The following UVRAG variants were observed in gnomAD, a reference collection of about 807,000 sequenced individuals.
UVRAG encodes UV radiation resistance associated, also known as UV radiation resistance-associated gene protein.
In UVRAG, 19 loss-of-function variants were observed where a neutral mutation model predicts 78.0. That is an observed-to-expected ratio of 0.24 (90% confidence interval 0.17 to 0.36). The LOEUF is 0.36. Ranked by LOEUF, UVRAG falls within the 10% of genes least tolerant of loss-of-function variation. The probability of loss-of-function intolerance (pLI) is 1.00; values close to 1 mark genes in which losing one functional copy is unlikely to be tolerated. For missense variants in UVRAG, 740 were observed against 853.8 expected, an observed-to-expected ratio of 0.87 and a Z score of 1.66; for synonymous variants, 323 against 324.6, an observed-to-expected ratio of 1.00 and a Z score of 0.05.
chr11:76,050,058 A>G (rs960631767), intron 12 of UVRAG, among the ~76,000 whole-genome samples: 2 of 152,358 alleles, frequency 1.3e-5, no homozygotes, highest in South Asian at 4.1e-4. Context: ...CATAAATGCA[A>G]TCCAGCATCA....
At chr11:76,119,854 T>A (rs1952244205) in intron 14 of UVRAG, among the ~76,000 whole-genome samples, 2 of 152,226 alleles carry the variant, frequency 1.3e-5, no homozygotes, top group Admixed American at 6.5e-5. Flanking sequence ...GTTGGCTAGA[T>A]CTTAATCACT....
intron 14 of UVRAG, among the ~76,000 whole-genome samples, chr11:76,140,003 AGG>A (rs1282413339): frequency 6.7e-6 from 1 of 149,528 alleles, no homozygotes; most frequent in African/African-American, 2.5e-5. Context: ...AAAAAAAAAA[AGG>A]AACCCCTCAA....
chr11:76,127,272 C>CATA (rs143091460), intron 14 of UVRAG, among the ~76,000 whole-genome samples: 9,604 of 152,194 alleles, frequency 0.063, 556 homozygotes, highest in African/African-American at 0.16. Context: ...TGGATGGTAA[C>CATA]ATAAGTACTA....
intron 1 of UVRAG, among the ~76,000 whole-genome samples, chr11:75,824,669 ATTTTTTTTT>A (rs1217028567): frequency 8.4e-6 from 1 of 118,658 alleles, no homozygotes; most frequent in African/African-American, 3.4e-5. Flanking sequence ...GAAGTTTGTC[ATTTTTTTTT>A]TTTTTTTTTT....
intron 1 of UVRAG, among the ~76,000 whole-genome samples, chr11:75,819,958 A>C (rs988993134): frequency 1.8e-4 from 27 of 152,244 alleles, no homozygotes; most frequent in African/African-American, 6.5e-4. Context: ...ACAAGAGCGA[A>C]ACTGTCTAAA....
chr11:75,946,304 A>T (rs528022765), intron 6 of UVRAG, among the ~76,000 whole-genome samples: 4 of 152,204 alleles, frequency 2.6e-5, no homozygotes, highest in Non-Finnish European at 5.9e-5. Context: ...ATTAGGCTAA[A>T]GATTTATAAT....
At chr11:76,120,875 T>G (rs932022417) in intron 14 of UVRAG, among the ~76,000 whole-genome samples, 1 of 152,172 alleles carries the variant, frequency 6.6e-6, no homozygotes, top group African/African-American at 2.4e-5. Context: ...CTGTGCTCCT[T>G]AGGGCAAAGG....
In UVRAG at chr11:76,143,821, T is replaced by C. The variant is rs973423895; in HGVS notation, c.*2408T>C. 6.6e-6 allele frequency among the ~76,000 whole-genome samples: 1 copy of C among 152,244 alleles called. No individual in the cohort carries two copies. Among genetic ancestry groups the C allele is most frequent in the East Asian group, 1.9e-4 (1 of 5,198 alleles). On this transcript the variant is annotated 3_prime_UTR_variant, in exon 15 of 15. Transcript: ENST00000356136. ...ATCTCCTACTAACCTTTTAGTTTTG[T>C]AAATCACTAAGAAAATTGTTTGCTT...
At chr11:75,932,542 C>G (rs555442151) in intron 6 of UVRAG, among the ~76,000 whole-genome samples, 29 of 152,218 alleles carry the variant, frequency 1.9e-4, no homozygotes, top group Non-Finnish European at 1.0e-4. Flanking sequence ...CCTCGGCCTC[C>G]CAAAGTGCTG....
At chr11:75,859,727 T>C (rs564749159) in intron 2 of UVRAG, among the ~76,000 whole-genome samples, 1 of 152,216 alleles carries the variant, frequency 6.6e-6, no homozygotes, top group African/African-American at 2.4e-5. Context: ...TTTTATATTG[T>C]GCTATAAATT....
At chr11:76,105,131 C>T (rs1224123854) in intron 13 of UVRAG, among the ~76,000 whole-genome samples, 3 of 152,148 alleles carry the variant, frequency 2.0e-5, no homozygotes, top group Admixed American at 1.3e-4. Context: ...CTCACATTTA[C>T]CATTAGATAG....
At chr11:75,815,643 G>A in intron 1 of UVRAG, 119 bp downstream of exon 1, 1 of 536,544 alleles carries the variant, frequency 1.9e-6, no homozygotes, top group Non-Finnish European at 2.8e-6. Context: ...CGGAGGGCTC[G>A]CGGGACTGAG....
At chr11:76,085,268 G>A (rs577427854) in intron 13 of UVRAG, among the ~76,000 whole-genome samples, 161 of 152,018 alleles carry the variant, frequency 1.1e-3, no homozygotes, top group Middle Eastern at 6.8e-3. Context: ...ATGGCAATGT[G>A]GTCCCCTTTG....
chr11:75,839,601 C>T (rs1397719739), intron 1 of UVRAG, among the ~76,000 whole-genome samples: 11 of 152,122 alleles, frequency 7.2e-5, no homozygotes, highest in Non-Finnish European at 1.3e-4. Context: ...TCCCTAACCA[C>T]ATCCATTATC....
intron 10 of UVRAG, 25 bp downstream of exon 10, chr11:76,007,646 A>G (rs1949972729): frequency 6.3e-7 from 1 of 1,590,874 alleles, no homozygotes; most frequent in East Asian, 2.2e-5. Context: ...TTCTGAAAAT[A>G]TTTTTCGTTT....
intron 13 of UVRAG, among the ~76,000 whole-genome samples, chr11:76,092,999 A>G (rs1951729592): frequency 1.3e-5 from 2 of 152,106 alleles, no homozygotes; most frequent in African/African-American, 4.8e-5. Context: ...ATCCATCTTG[A>G]ATTAATTTTT....
intron 1 of UVRAG, among the ~76,000 whole-genome samples, chr11:75,849,321 C>A (rs1590931207): frequency 6.6e-6 from 1 of 151,954 alleles, no homozygotes; most frequent in South Asian, 2.1e-4. Flanking sequence ...CTGGCTAACA[C>A]AGTGAAACCC....
At chr11:75,901,148 T>G (rs1947487375) in intron 5 of UVRAG, among the ~76,000 whole-genome samples, 1 of 152,204 alleles carries the variant, frequency 6.6e-6, no homozygotes, top group African/African-American at 2.4e-5. Context: ...CATATACACC[T>G]AGGAACACAG....
intron 9 of UVRAG, among the ~76,000 whole-genome samples, chr11:76,006,232 A>G (rs889217146): frequency 2.0e-5 from 3 of 152,176 alleles, no homozygotes; most frequent in Non-Finnish European, 4.4e-5. Context: ...GGCAAAGACC[A>G]TATATATGTC....
Sources: gnomAD v4.1 joint callset for allele counts (sites outside exome capture counted in the v4.1 genomes callset) on GRCh38, gnomAD v4.1.1 for gene constraint, MANE v1.5 for transcripts, NCBI Gene and HGNC (gene_info 2026-07-23, HGNC 2026-07-21) for gene names.